The following SV2C variants were observed in gnomAD, a reference collection of about 807,000 sequenced individuals.
SV2C encodes the protein solute carrier family 22 member B3.
Under a neutral mutation model 79.7 loss-of-function variants are expected in SV2C, and 49 were observed. The observed-to-expected ratio is 0.61, with a 90% CI of 0.49 to 0.78. SV2C has a LOEUF of 0.78. Ranked by LOEUF, SV2C falls within the 30% of genes least tolerant of loss-of-function variation. The probability of loss-of-function intolerance (pLI) is 0.00; values close to 1 mark genes in which losing one functional copy is unlikely to be tolerated. For synonymous variants in SV2C, 334 were observed against 333.2 expected (o/e 1.00, Z -0.03); for missense variants, 833 against 912.9 (o/e 0.91, Z 1.13).
chr5:76,242,272 C>T (rs1745811348), intron 4 of SV2C: 1 of 1,197,798 alleles, frequency 8.3e-7, no homozygotes, highest in Non-Finnish European at 1.2e-6. Context: ...CCTTAGCATC[C>T]CCTTCAGCCT....
At chr5:75,960,292 C>T in the SV2C span, among the ~76,000 whole-genome samples, 1 of 151,856 alleles carries the variant, frequency 6.6e-6, no homozygotes, top group Non-Finnish European at 1.5e-5. Context: ...TCTTTTATGG[C>T]TTTTTACAAT....
the SV2C span, among the ~76,000 whole-genome samples, chr5:75,989,874 C>G: frequency 8.0e-5 from 12 of 150,920 alleles, no homozygotes; most frequent in Non-Finnish European, 1.8e-4. Flanking sequence ...TTGCATTTCT[C>G]TAATGATCTT....
chr5:76,272,363 T>A (rs758288785), intron 4 of SV2C, among the ~76,000 whole-genome samples: 6 of 152,234 alleles, frequency 3.9e-5, no homozygotes, highest in Non-Finnish European at 8.8e-5. Context: ...TTGTTGATCA[T>A]GAGCAAGATC....
At chr5:76,146,264 T>G (rs1390439529) in intron 2 of SV2C, among the ~76,000 whole-genome samples, 1 of 152,114 alleles carries the variant, frequency 6.6e-6, no homozygotes, top group Non-Finnish European at 1.5e-5. Context: ...AAGAAAGAAT[T>G]CAGGGTGACT....
the SV2C span, among the ~76,000 whole-genome samples, chr5:75,995,957 A>G: frequency 1.3e-5 from 2 of 152,180 alleles, no homozygotes; most frequent in African/African-American, 4.8e-5. Context: ...TACATGTGGT[A>G]GAAAAGTGAA....
At chr5:75,992,798 A>G in the SV2C span, among the ~76,000 whole-genome samples, 3 of 152,112 alleles carry the variant, frequency 2.0e-5, no homozygotes, top group Non-Finnish European at 2.9e-5. Flanking sequence ...TTGAACATCA[A>G]TGAAATTATA....
chr5:76,352,675 T>C (rs1749664064), intron 12 of SV2C, among the ~76,000 whole-genome samples: 2 of 152,234 alleles, frequency 1.3e-5, no homozygotes, highest in Admixed American at 6.5e-5. Flanking sequence ...TATTCTGTTA[T>C]AGCAGCACAA....
intron 1 of SV2C, among the ~76,000 whole-genome samples, chr5:76,096,464 G>T (rs768447606): frequency 6.6e-6 from 1 of 152,132 alleles, no homozygotes; most frequent in Non-Finnish European, 1.5e-5. Context: ...CTGTAAATTG[G>T]CTGAGGGCTA....
intron 2 of SV2C, among the ~76,000 whole-genome samples, chr5:76,179,438 T>C (rs1047362814): frequency 3.3e-5 from 5 of 152,222 alleles, no homozygotes; most frequent in African/African-American, 9.6e-5. Flanking sequence ...ACTTTTTTCT[T>C]ACTCTCAAAG....
At chr5:75,964,615 T>C in the SV2C span, among the ~76,000 whole-genome samples, 1 of 152,112 alleles carries the variant, frequency 6.6e-6, no homozygotes, top group African/African-American at 2.4e-5. Context: ...TCTCTGGGCA[T>C]CCCCCTCCAT....
At chr5:75,958,131 G>A in the SV2C span, among the ~76,000 whole-genome samples, 44 of 152,090 alleles carry the variant, frequency 2.9e-4, no homozygotes, top group African/African-American at 1.0e-3. Context: ...GCAAAGTCAT[G>A]CCATCTGCAT....
chr5:75,984,423 C>T, the SV2C span, among the ~76,000 whole-genome samples: 1 of 152,022 alleles, frequency 6.6e-6, no homozygotes, highest in African/African-American at 2.4e-5. Flanking sequence ...TTGCAGCAAG[C>T]CTGTGAGGTT....
At chr5:76,000,078 C>A in the SV2C span, among the ~76,000 whole-genome samples, 1 of 152,012 alleles carries the variant, frequency 6.6e-6, no homozygotes, top group Non-Finnish European at 1.5e-5. Flanking sequence ...TGGTTGATGT[C>A]GACCCATATA....
the SV2C span, among the ~76,000 whole-genome samples, chr5:75,872,174 A>G: frequency 4.0e-5 from 6 of 150,406 alleles, no homozygotes; most frequent in Non-Finnish European, 8.9e-5. Context: ...CAAAAACACC[A>G]CATAACTTGG....
the SV2C span, among the ~76,000 whole-genome samples, chr5:75,907,548 T>TGA: frequency 6.6e-6 from 1 of 151,992 alleles, no homozygotes; most frequent in Admixed American, 6.6e-5. Flanking sequence ...GAAGAGCCCA[T>TGA]GAGAGAGAGT....
At chr5:76,085,473 C>G (rs1747156559) in intron 1 of SV2C, among the ~76,000 whole-genome samples, 1 of 151,976 alleles carries the variant, frequency 6.6e-6, no homozygotes, top group South Asian at 2.1e-4. Flanking sequence ...AGTTTTTCTA[C>G]TGGCTTTACT....
chr5:76,239,350 C>G (rs752930086), intron 4 of SV2C, among the ~76,000 whole-genome samples: 3 of 152,174 alleles, frequency 2.0e-5, no homozygotes, highest in Non-Finnish European at 4.4e-5. Context: ...GATAGCAGAG[C>G]AAATAAATGC....
chr5:76,276,829 A>G (rs1305851963), intron 4 of SV2C, among the ~76,000 whole-genome samples: 2 of 151,650 alleles, frequency 1.3e-5, no homozygotes, highest in Non-Finnish European at 2.9e-5. Flanking sequence ...TTGGCCTCCC[A>G]AAGGGTTGGG....
At chr5:76,173,957 T>C in intron 2 of SV2C, 3 of 1,565,668 alleles carry the variant, frequency 1.9e-6, no homozygotes, top group Non-Finnish European at 2.6e-6. Context: ...TGCAAACCCT[T>C]GTCCATTTTT....
Sources: gnomAD v4.1 joint callset for allele counts (sites outside exome capture counted in the v4.1 genomes callset) on GRCh38, gnomAD v4.1.1 for gene constraint, MANE v1.5 for transcripts, NCBI Gene and HGNC (gene_info 2026-07-23, HGNC 2026-07-21) for gene names.